The following OVOL2 variants were observed in gnomAD, a reference collection of about 807,000 sequenced individuals.
The protein encoded by OVOL2 is transcription factor Ovo-like 2.
A neutral mutation model predicts 18.1 loss-of-function variants in OVOL2; 13 were observed. That is an observed-to-expected ratio of 0.72 (90% CI 0.47 to 1.14). The LOEUF is 1.14. OVOL2 is among the 50% of genes most tolerant of loss of function. OVOL2 has a pLI of 0.00. For synonymous variants in OVOL2, 166 were observed against 162.7 expected (o/e 1.02, Z -0.16); for missense variants, 335 against 383.0 (o/e 0.87, Z 1.05).
chr20:18,029,916 G>A (rs2036552796), intron 3 of OVOL2, among the ~76,000 whole-genome samples: 1 of 152,126 alleles, frequency 6.6e-6, no homozygotes, highest in Non-Finnish European at 1.5e-5. Context: ...GGAATTCAAG[G>A]CTACAGTGAG....
At position 18,024,898 on chromosome 20, in the gene OVOL2, G is replaced by A. The variant is rs1455106266; in HGVS notation, c.566C>T (p.Ser189Phe). The A allele has an allele frequency of 1.5e-5, 25 of 1,614,062 alleles. No individual in the cohort carries two copies. Among genetic ancestry groups the A allele is most frequent in the Non-Finnish European group, 2.1e-5 (25 of 1,180,040 alleles). Residue 189 changes from serine (S) to phenylalanine (F), a missense_variant, in exon 4 of 4, where the codon TCT (serine) becomes TTT (phenylalanine). Ser to Phe is a radical substitution (Grantham distance 155, BLOSUM62 -2). Transcript: ENST00000278780. The stretch of plus-strand genomic sequence containing the variant: ...GATTTTCTTCAGGTGGGACTCCAGA[G>A]AGCAGCGCTGGGTGAAGGCTTTATT... ...VCNKAFTQRC[S>F]LESHLKKIHG... is the part of the protein sequence containing the mutation.
intron 2 of OVOL2, among the ~76,000 whole-genome samples, chr20:18,042,846 C>T (rs542222033): frequency 1.3e-5 from 2 of 151,624 alleles, no homozygotes; most frequent in South Asian, 2.1e-4. Flanking sequence ...CCATATGACA[C>T]GCTTGTTCCC....
Position 18,057,855 on chromosome 20 carries a change from G to T in OVOL2, c.-221C>A. On this transcript the variant is annotated 5_prime_UTR_variant, in exon 1 of 4. Transcript: ENST00000278780. The surrounding 1 kb of genome is among the most constrained non-coding windows in gnomAD (Gnocchi z 6.3). ...CGGCGACACCTATGCCTTAAATCGC[G>T]AGTGAGACCACGCCGGGGAAAAAGT... 5 of 1,346,404 alleles carry T rather than the reference G, an allele frequency of 3.7e-6. No individual in the cohort carries two copies. Among genetic ancestry groups the T allele is most frequent in the Non-Finnish European group, 4.7e-6 (5 of 1,056,120 alleles). 83.4% of individuals were successfully genotyped at this position (1,346,404 alleles called of 1,614,324 possible).
intron 3 of OVOL2, among the ~76,000 whole-genome samples, chr20:18,027,333 GC>G (rs1778238424): frequency 6.6e-6 from 1 of 152,000 alleles, no homozygotes; most frequent in African/African-American, 2.4e-5. Context: ...TTTGAGACCA[GC>G]CTGGCCAACA....
Position 18,024,679 on chromosome 20 carries a change from T to A in OVOL2, c.785A>T (p.His262Leu). ...ALLQGKLTSA[H>L]QENTSLSEEE... ...CTCACTCAGGCTGGTATTCTCCTGG[T>A]GTGCGGATGTCAGCTTGCCCTGCAG... Residue 262 changes from histidine (H) to leucine (L), a missense_variant, in exon 4 of 4, where the codon CAC becomes CTC. His to Leu is a moderately conservative substitution (Grantham distance 99). Coordinates refer to ENST00000278780, the MANE Select transcript of OVOL2 (RefSeq NM_021220.4). 6.2e-7 allele frequency: 1 copy of A among 1,613,848 alleles called. No individual in the cohort carries two copies. The highest frequency in any genetic ancestry group is 8.5e-7 in the Non-Finnish European group (1 of 1,179,860).
chr20:18,057,833 C>A lies in OVOL2; in HGVS notation c.-199G>T, dbSNP rs960976832. ...GGCGACTCCCAGCCTCCCGGCTCGG[C>A]GACACCTATGCCTTAAATCGCGAGT... On this transcript the variant is annotated 5_prime_UTR_variant, in exon 1 of 4. Coordinates refer to ENST00000278780, the MANE Select transcript of OVOL2 (RefSeq NM_021220.4). This position sits in a 1 kb window ranked among gnomAD's most constrained non-coding sequence, Gnocchi z 6.3. 9 of 1,364,122 alleles carry A rather than the reference C, an allele frequency of 6.6e-6. No individual in the cohort carries two copies. Among genetic ancestry groups the A allele is most frequent in the Non-Finnish European group, 8.4e-6 (9 of 1,065,948 alleles). 84.5% of individuals were successfully genotyped at this position (1,364,122 alleles called of 1,614,324 possible).
intron 3 of OVOL2, among the ~76,000 whole-genome samples, chr20:18,040,213 T>G (rs1229541494): frequency 6.6e-6 from 1 of 152,152 alleles, no homozygotes; most frequent in Non-Finnish European, 1.5e-5. Context: ...CAGGAGCCAC[T>G]GCACCCAGCC....
chr20:18,051,624 C>T (rs555481604), intron 2 of OVOL2, among the ~76,000 whole-genome samples: 1 of 152,234 alleles, frequency 6.6e-6, no homozygotes, highest in Admixed American at 6.5e-5. Flanking sequence ...TTGCATTATC[C>T]AATAGAACTT....
intron 2 of OVOL2, among the ~76,000 whole-genome samples, chr20:18,052,031 C>T (rs1386853509): frequency 6.6e-6 from 1 of 152,126 alleles, no homozygotes; most frequent in Non-Finnish European, 1.5e-5. Context: ...TGAGCTATGG[C>T]GCCTGGTCTA....
Position 18,024,612 on chromosome 20 carries a change from C to A in OVOL2, c.*24G>T. 6.5e-7 allele frequency: 1 copy of A among 1,548,122 alleles called. No individual in the cohort carries two copies. Among genetic ancestry groups the A allele is most frequent in the Non-Finnish European group, 8.7e-7 (1 of 1,143,924 alleles). On this transcript the variant is annotated 3_prime_UTR_variant, in exon 4 of 4. Transcript: ENST00000278780. ...ACGTAGACATACGTGGCAGTGTGAACGTCTGTCCTCCCCTTCCTTCTCCTC... is the reference window on the plus strand; with the variant it reads ...ACGTAGACATACGTGGCAGTGTGAAAGTCTGTCCTCCCCTTCCTTCTCCTC...
upstream of OVOL2, among the ~76,000 whole-genome samples, chr20:18,058,585 A>G (rs2036852228): frequency 6.6e-6 from 1 of 151,106 alleles, no homozygotes; most frequent in Admixed American, 6.6e-5. Flanking sequence ...CACAATAGAA[A>G]CAAAAGCCAG....
chr20:18,042,507 C>T (rs374247303), intron 2 of OVOL2, among the ~76,000 whole-genome samples: 1 of 151,870 alleles, frequency 6.6e-6, no homozygotes, highest in African/African-American at 2.4e-5. Context: ...CCAGGCGCGG[C>T]GTCTCATGCC....
intron 2 of OVOL2, among the ~76,000 whole-genome samples, chr20:18,047,156 A>G (rs1416582071): frequency 6.6e-6 from 1 of 152,206 alleles, no homozygotes; most frequent in Non-Finnish European, 1.5e-5. Flanking sequence ...TACCTAACTT[A>G]GTTGTAGGCA....
At chr20:18,054,144 C>T (rs1273344411) in intron 2 of OVOL2, among the ~76,000 whole-genome samples, 4 of 152,234 alleles carry the variant, frequency 2.6e-5, no homozygotes, top group Non-Finnish European at 4.4e-5. Flanking sequence ...CCATGTTCTA[C>T]CCTCCACTCA....
At chr20:18,050,362 T>G (rs1489657016) in intron 2 of OVOL2, among the ~76,000 whole-genome samples, 1 of 152,190 alleles carries the variant, frequency 6.6e-6, no homozygotes, top group Admixed American at 6.5e-5. Context: ...GCCATCGAGG[T>G]GGCAGCTTCC....
chr20:18,054,451 A>G lies in OVOL2; in HGVS notation c.321+2206T>C, dbSNP rs568315649. ...GTCCTGGGAGCCCACTGCCTAAGAA[A>G]CTAATTCTTGGCTGGATGCGGTGGC... On this transcript the variant is annotated intron_variant, in intron 2 of 3. Transcript: ENST00000278780. 5.9e-5 allele frequency among the ~76,000 whole-genome samples: 9 copies of G among 152,288 alleles called. No individual in the cohort carries two copies. The East Asian group carries it at 1.2e-3, about 20-fold the overall frequency.
chr20:18,039,936 T>TC (rs1264066770), intron 3 of OVOL2, among the ~76,000 whole-genome samples: 1 of 152,028 alleles, frequency 6.6e-6, no homozygotes, highest in East Asian at 1.9e-4. Flanking sequence ...CCTTTTTTTT[T>TC]CCCCTTGAGA....
rs1397738415 is a variant in OVOL2 at position 18,057,335 on chromosome 20, AC to A, written c.100+199del. Among the ~76,000 whole-genome samples, 6 of 151,960 alleles carry A rather than the reference AC, an allele frequency of 3.9e-5. 1 individual carries two copies. The highest frequency in any genetic ancestry group is 2.9e-5 in the Non-Finnish European group (2 of 67,964). On this transcript the variant is annotated intron_variant, in intron 1 of 3. Coordinates refer to ENST00000278780, the MANE Select transcript of OVOL2 (RefSeq NM_021220.4). The surrounding 1 kb of genome is among the most constrained non-coding windows in gnomAD (Gnocchi z 6.3). ...CGCCGGGCAATTAGAGGCTCCCACT[AC>A]GGGGAAGGGGGCGCCTAGAGTCTGG... is the stretch of plus-strand genomic sequence containing the variant.
chr20:18,041,903 CTTT>C (rs555102720), intron 2 of OVOL2, among the ~76,000 whole-genome samples, 180 bp from the exon 3 acceptor site: 21,883 of 127,958 alleles, frequency 0.17, 1,574 homozygotes, highest in African/African-American at 0.2. Context: ...TCCTCCCACC[CTTT>C]TTTTTTTTTT....
Sources: gnomAD v4.1 joint callset for allele counts (sites outside exome capture counted in the v4.1 genomes callset) on GRCh38, gnomAD v4.1.1 for gene constraint, Gnocchi (gnomAD v3.1) non-coding constraint, MANE v1.5 for transcripts, NCBI Gene and HGNC (gene_info 2026-07-23, HGNC 2026-07-21) for gene names.